ZNF682: variants seen among roughly 807,000 people sequenced by gnomAD.
The protein encoded by ZNF682 is zinc finger protein 682.
ZNF682 carries 29 observed loss-of-function variants against 36.5 expected under a neutral mutation model. The ratio of observed to expected loss-of-function variants is 0.80; its 90% CI spans 0.59 to 1.08. The LOEUF (loss-of-function observed/expected upper bound fraction) is 1.08. Ranked by LOEUF, ZNF682 falls within the 50% of genes least tolerant of loss-of-function variation. ZNF682 has a pLI of 0.00. For missense variants in ZNF682, 561 were observed against 579.7 expected (o/e 0.97, Z 0.33); for synonymous variants, 180 against 197.0 (o/e 0.91, Z 0.72).
At chr19:20,008,049 GA>G (rs2088244650) in intron 3 of ZNF682, 1 of 152,326 alleles carries the variant, frequency 6.6e-6, no homozygotes, top group Non-Finnish European at 1.5e-5. Context: ...GATGGTGCTT[GA>G]CCCCAAAGGG....
At chr19:20,038,859 A>AC (rs1343363292) in intron 1 of ZNF682, among the ~76,000 whole-genome samples, 2 of 152,054 alleles carry the variant, frequency 1.3e-5, no homozygotes, top group African/African-American at 2.4e-5. Flanking sequence ...CTTCGGCTGG[A>AC]CCCCCAACCA....
chr19:20,018,043 T>A (rs146356606), intron 3 of ZNF682, among the ~76,000 whole-genome samples: 314 of 151,844 alleles, frequency 2.1e-3, no homozygotes, highest in Non-Finnish European at 2.9e-3. Context: ...TTTTATTTTT[T>A]TTTTTTGCAG....
intron 3 of ZNF682, among the ~76,000 whole-genome samples, chr19:20,021,936 C>T (rs1484613066): frequency 3.3e-5 from 5 of 151,068 alleles, no homozygotes; most frequent in South Asian, 2.1e-4. Context: ...TTTGGGAGAC[C>T]GAGGCGGGTG....
intron 3 of ZNF682, among the ~76,000 whole-genome samples, chr19:20,019,604 C>T (rs971784653): frequency 6.6e-6 from 1 of 151,994 alleles, no homozygotes; most frequent in Non-Finnish European, 1.5e-5. Context: ...ATAAGGAACT[C>T]ATACAAATCA....
At chr19:20,011,225 A>G (rs905915028) in intron 3 of ZNF682, among the ~76,000 whole-genome samples, 6 of 152,218 alleles carry the variant, frequency 3.9e-5, no homozygotes, top group African/African-American at 1.2e-4. Context: ...AACACATTAC[A>G]TAATAATAAA....
chr19:20,027,635 T>A (rs1291378758), intron 1 of ZNF682, among the ~76,000 whole-genome samples: 1 of 152,156 alleles, frequency 6.6e-6, no homozygotes, highest in East Asian at 1.9e-4. Flanking sequence ...GGCGCATGCC[T>A]GTAATCCCAG....
At chr19:19,997,745 C>T (rs1328498881) in intron 3 of ZNF682, among the ~76,000 whole-genome samples, 3 of 152,150 alleles carry the variant, frequency 2.0e-5, no homozygotes, top group Non-Finnish European at 2.9e-5. Context: ...TTGGAGCCTC[C>T]GGATGCTGCT....
chr19:20,029,649 T>C (rs2122379849), intron 1 of ZNF682, among the ~76,000 whole-genome samples: 1 of 151,088 alleles, frequency 6.6e-6, no homozygotes, highest in Middle Eastern at 3.4e-3. Flanking sequence ...AAATAAAAGC[T>C]GAAGATAGAC....
chr19:20,017,479 G>A (rs2088344369), intron 3 of ZNF682, among the ~76,000 whole-genome samples: 1 of 152,008 alleles, frequency 6.6e-6, no homozygotes. Context: ...ATTATATAAT[G>A]GCAAAATGGA....
intron 1 of ZNF682, among the ~76,000 whole-genome samples, chr19:20,037,064 T>A (rs927790327): frequency 1.3e-5 from 2 of 152,206 alleles, no homozygotes; most frequent in Admixed American, 6.5e-5. Context: ...ATGTCTTCCC[T>A]CATTTTCAAG....
At chr19:20,035,182 G>A (rs1001145892) in intron 1 of ZNF682, among the ~76,000 whole-genome samples, 8 of 152,180 alleles carry the variant, frequency 5.3e-5, no homozygotes, top group African/African-American at 1.9e-4. Context: ...ATTAATTGAT[G>A]TGACAGAGGT....
intron 1 of ZNF682, among the ~76,000 whole-genome samples, chr19:20,031,817 CTG>C (rs1178789617): frequency 4.6e-5 from 7 of 151,814 alleles, no homozygotes; most frequent in Admixed American, 2.6e-4. Context: ...TGGCGGGTGC[CTG>C]TAGTCCCAGC....
intron 1 of ZNF682, among the ~76,000 whole-genome samples, chr19:20,037,568 A>G (rs1293994371): frequency 2.1e-5 from 3 of 144,446 alleles, no homozygotes; most frequent in East Asian, 4.0e-4. Context: ...TGTCAAGTCA[A>G]GCCATTCTAT....
intron 3 of ZNF682, among the ~76,000 whole-genome samples, chr19:20,010,644 G>A (rs11668541): frequency 0.019 from 2,917 of 151,858 alleles, 55 homozygotes; most frequent in South Asian, 0.06. Flanking sequence ...GTGACAGATC[G>A]AGACTCTGTC....
intron 3 of ZNF682, among the ~76,000 whole-genome samples, chr19:20,018,959 A>G (rs1004566859): frequency 5.9e-5 from 9 of 152,200 alleles, no homozygotes; most frequent in Non-Finnish European, 1.2e-4. Flanking sequence ...TGGGGTGAAA[A>G]TGTCACCTAA....
chr19:20,008,994 C>T (rs2088256370), intron 3 of ZNF682, among the ~76,000 whole-genome samples: 1 of 152,060 alleles, frequency 6.6e-6, no homozygotes, highest in Non-Finnish European at 1.5e-5. Context: ...CAACATACAC[C>T]ACAGCCAAAC....
At chr19:20,015,907 G>A (rs1274054816) in intron 3 of ZNF682, 9 of 395,792 alleles carry the variant, frequency 2.3e-5, no homozygotes, top group African/African-American at 8.3e-5. Context: ...TGTAAAATAC[G>A]GTATAAAACA....
At position 20,006,966 on chromosome 19, in the gene ZNF682, C is replaced by T; in HGVS notation, c.536G>A (p.Gly179Asp). The T allele has an allele frequency of 1.9e-6, 3 of 1,612,778 alleles. 1 individual carries two copies. The highest frequency in any genetic ancestry group is 2.5e-6 in the Non-Finnish European group (3 of 1,179,148). Residue 179 changes from glycine (G) to aspartate (D), a missense_variant, in exon 4 of 4, where the codon GGC becomes GAC. Physicochemically the swap from Gly to Asp is moderately conservative, Grantham distance 94. Transcript: ENST00000397165. ...TEKLFKCMQC[G>D]KVFKSHSGLS... Reference sequence around the variant, plus strand: ...GCCTGAGTGAGATTTAAAGACTTTGCCACATTGCATACATTTGAAAAGTTT... The same window carrying T: ...GCCTGAGTGAGATTTAAAGACTTTGTCACATTGCATACATTTGAAAAGTTT...
intron 3 of ZNF682, among the ~76,000 whole-genome samples, chr19:20,021,416 G>A (rs1193910872): frequency 2.0e-5 from 3 of 152,040 alleles, no homozygotes; most frequent in Non-Finnish European, 4.4e-5. Flanking sequence ...CCTGGGAGGC[G>A]GAGGTTGCAG....
Sources: gnomAD v4.1 joint callset for allele counts (sites outside exome capture counted in the v4.1 genomes callset) on GRCh38, gnomAD v4.1.1 for gene constraint, MANE v1.5 for transcripts, NCBI Gene and HGNC (gene_info 2026-07-23, HGNC 2026-07-21) for gene names.